Variants in HERC1 observed in about 807,000 individuals in gnomAD.
HERC1 encodes HECT and RLD domain containing E3 ubiquitin protein ligase family member 1, also known as probable E3 ubiquitin-protein ligase HERC1.
A neutral mutation model predicts 554.3 loss-of-function variants in HERC1; 160 were observed. The observed-to-expected ratio is 0.29, with a 90% CI of 0.25 to 0.33. The LOEUF is 0.33. HERC1 is among the 10% of genes least tolerant of loss of function. The probability of loss-of-function intolerance (pLI) is 1.00; values close to 1 mark genes in which losing one functional copy is unlikely to be tolerated. For synonymous variants in HERC1, 2,175 were observed against 2,131.7 expected (o/e 1.02, Z -0.56); for missense variants, 4,919 against 5,918.5 (o/e 0.83, Z 5.54).
At chr15:63,707,663 T>C (rs952649982) in intron 24 of HERC1, among the ~76,000 whole-genome samples, 1 of 152,230 alleles carries the variant, frequency 6.6e-6, no homozygotes, top group East Asian at 1.9e-4. Flanking sequence ...GAGTGGTGGC[T>C]CACACCTGTA....
chr15:63,672,096 A>G (rs1167908940), intron 39 of HERC1, among the ~76,000 whole-genome samples: 1 of 152,228 alleles, frequency 6.6e-6, no homozygotes, highest in East Asian at 1.9e-4. Flanking sequence ...CAGTTAAAGA[A>G]GTATGCTTAA....
intron 3 of HERC1, among the ~76,000 whole-genome samples, chr15:63,759,792 T>C (rs1312312063): frequency 1.3e-5 from 2 of 152,220 alleles, no homozygotes; most frequent in African/African-American, 4.8e-5. Flanking sequence ...CATATTAGTT[T>C]GCTAGCACAT....
chr15:63,672,710 A>C lies in HERC1; in HGVS notation c.7847-16T>G. On this transcript the variant is annotated splice_polypyrimidine_tract_variant and intron_variant, in intron 38 of 77. Transcript: ENST00000443617. ...TGATCAATCTCTAGAAACCAAAAAA[A>C]AGGTTAAGAAAGTAGTAAGGATTTG... The C allele has an allele frequency of 6.5e-7, 1 of 1,541,518 alleles. No individual in the cohort carries two copies. The highest frequency in any genetic ancestry group is 8.8e-7 in the Non-Finnish European group (1 of 1,136,524).
At chr15:63,806,610 C>G (rs901691649) in intron 1 of HERC1, among the ~76,000 whole-genome samples, 2 of 152,224 alleles carry the variant, frequency 1.3e-5, no homozygotes, top group African/African-American at 2.4e-5. Flanking sequence ...CTAGCTTTCT[C>G]ACTGCAAGGG....
Position 63,674,612 on chromosome 15 carries a change from T to C in HERC1, c.7576A>G (p.Ser2526Gly), listed in dbSNP as rs773601167. 6 of 1,613,068 alleles carry C rather than the reference T, an allele frequency of 3.7e-6. No homozygotes were observed. Among genetic ancestry groups the C allele is most frequent in the East Asian group, 4.5e-5 (2 of 44,832 alleles). ...ATCAGCAACAGCTCAGCATATTTAC[T>C]ACAGCCAAGAAGGGCACTAAGTGAC... Reference protein sequence around the residue: ...MKSLSALLGCSKYAELLLIPK... With the variant: ...MKSLSALLGCGKYAELLLIPK... Residue 2526 changes from serine (S) to glycine (G), a missense_variant, in exon 38 of 78, where the codon AGT becomes GGT. Around this residue, in one of 11 missense-constraint regions of HERC1, gnomAD observed 1,963 missense variants for 2,228.6 expected, o/e 0.88. Transcript: ENST00000443617.
At chr15:63,714,175 T>C (rs978395705) in intron 22 of HERC1, among the ~76,000 whole-genome samples, 5 of 151,830 alleles carry the variant, frequency 3.3e-5, no homozygotes, top group Non-Finnish European at 7.4e-5. Context: ...ACAAGCTTGG[T>C]GTGAAAAATG....
In HERC1 at chr15:63,675,293, T is replaced by G. The variant is rs2071140204; in HGVS notation, c.7071-176A>C. 1.6e-5 allele frequency: 8 copies of G among 507,596 alleles called. No homozygotes were observed. In the East Asian group the frequency reaches 2.5e-4, roughly 16 times the overall value. 31.4% of individuals were successfully genotyped at this position (507,596 alleles called of 1,614,324 possible). On this transcript the variant is annotated intron_variant, in intron 37 of 77. Coordinates refer to ENST00000443617, the MANE Select transcript of HERC1 (RefSeq NM_003922.4). ...GAAAAACGAGTCTATTATGAGAAAA[T>G]GGGGAGATGTGATACTAAATGCAGA...
intron 42 of HERC1, among the ~76,000 whole-genome samples, chr15:63,664,871 C>T (rs2070539274): frequency 6.6e-6 from 1 of 152,114 alleles, no homozygotes; most frequent in African/African-American, 2.4e-5. Context: ...ATGACCTTAA[C>T]TAAATCCTAA....
intron 74 of HERC1, among the ~76,000 whole-genome samples, chr15:63,621,309 T>C (rs1281301013): frequency 6.6e-6 from 1 of 152,248 alleles, no homozygotes; most frequent in Non-Finnish European, 1.5e-5. Context: ...TTTAAGAATG[T>C]TGAATATTGG....
chr15:63,801,676 A>T (rs142617300), intron 1 of HERC1, among the ~76,000 whole-genome samples: 58 of 152,318 alleles, frequency 3.8e-4, no homozygotes, highest in African/African-American at 1.3e-3. Context: ...GTAGTCCATT[A>T]TGCATATTGA....
chr15:63,689,245 T>C (rs2071964896), intron 33 of HERC1, among the ~76,000 whole-genome samples: 1 of 152,246 alleles, frequency 6.6e-6, no homozygotes, highest in Non-Finnish European at 1.5e-5. Flanking sequence ...ATCTTTGTCA[T>C]TTAATTTCGT....
intron 53 of HERC1, 33 bp from the exon 54 acceptor site, chr15:63,649,958 T>C: frequency 2.0e-6 from 3 of 1,476,888 alleles, no homozygotes; most frequent in Non-Finnish European, 2.8e-6. Flanking sequence ...TAGTTTTTAC[T>C]TAATTCTTAA....
intron 12 of HERC1, 26 bp downstream of exon 12, chr15:63,746,890 TAC>T: frequency 6.5e-7 from 1 of 1,542,654 alleles, no homozygotes; most frequent in Non-Finnish European, 8.8e-7. Context: ...TGGTTTGAGA[TAC>T]AGATTCACAA....
At chr15:63,810,045 G>C (rs1459083607) in intron 1 of HERC1, among the ~76,000 whole-genome samples, 1 of 151,750 alleles carries the variant, frequency 6.6e-6, no homozygotes, top group Non-Finnish European at 1.5e-5. Flanking sequence ...TAGAATTCAA[G>C]GCAGTCATTA....
intron 12 of HERC1, among the ~76,000 whole-genome samples, chr15:63,735,403 G>T (rs2074458928): frequency 9.0e-6 from 1 of 110,720 alleles, no homozygotes. Context: ...GTGGGGTGGG[G>T]GGAGGGGGGA....
intron 1 of HERC1, among the ~76,000 whole-genome samples, chr15:63,798,552 A>C (rs2076880766): frequency 6.6e-6 from 1 of 152,020 alleles, no homozygotes; most frequent in Non-Finnish European, 1.5e-5. Context: ...CTTTACAAAA[A>C]AAAAAAAAAA....
At position 63,678,309 on chromosome 15, in the gene HERC1, G is replaced by T; in HGVS notation, c.6606C>A (p.Asp2202Glu). 6.2e-7 allele frequency: 1 copy of T among 1,613,112 alleles called. No individual in the cohort carries two copies. Among genetic ancestry groups the T allele is most frequent in the Middle Eastern group, 1.7e-4 (1 of 6,058 alleles). The stretch of plus-strand genomic sequence containing the variant: ...CTGCTGCTACTGGACTACAAATAGG[G>T]TCTCCTGGAAGTAAGTCTCGGGGTG... ...RGTPRDLLPG[D>E]PICSPVAAVL... The change falls in exon 37 of 78, where the codon GAC becomes GAA. Residue 2202 changes from aspartate to glutamate, a missense_variant. Asp to Glu is a conservative substitution (Grantham distance 45). This residue lies in a region of HERC1 where 1,963 missense variants were observed against 2,228.6 expected (regional missense o/e 0.88). Transcript: ENST00000443617.
intron 25 of HERC1, among the ~76,000 whole-genome samples, chr15:63,703,933 G>GA (rs938577234): frequency 5.4e-5 from 8 of 148,070 alleles, no homozygotes; most frequent in Non-Finnish European, 7.5e-5. Flanking sequence ...AAAAAAGAAA[G>GA]AAAAAAAAAG....
At chr15:63,616,797 T>A (rs1016262777) in intron 74 of HERC1, 115 bp from the exon 75 acceptor site, 1 of 903,112 alleles carries the variant, frequency 1.1e-6, no homozygotes, top group Non-Finnish European at 1.7e-6. Flanking sequence ...ATGGCATCCA[T>A]TAGCCACATA....
Sources: gnomAD v4.1 joint callset for allele counts (sites outside exome capture counted in the v4.1 genomes callset) on GRCh38, gnomAD v4.1.1 for gene constraint, gnomAD v4.1.1 regional missense constraint, MANE v1.5 for transcripts, NCBI Gene and HGNC (gene_info 2026-07-23, HGNC 2026-07-21) for gene names.